The following CTNNA2 variants were observed in gnomAD, a reference collection of about 807,000 sequenced individuals.
The protein encoded by CTNNA2 is catenin alpha-2.
In CTNNA2, 42 loss-of-function variants were observed where a neutral mutation model predicts 101.0. The ratio of observed to expected loss-of-function variants is 0.42; its 90% CI spans 0.32 to 0.54. The LOEUF (loss-of-function observed/expected upper bound fraction) is 0.54, where lower values mean the gene tolerates loss of function less well. Ranked by LOEUF, CTNNA2 falls within the 20% of genes least tolerant of loss-of-function variation. The pLI, the probability that CTNNA2 is intolerant of heterozygous loss-of-function variation, is 0.14. For missense variants in CTNNA2, 871 were observed against 1,223.1 expected (o/e 0.71, Z 4.29); for synonymous variants, 450 against 456.4 (o/e 0.99, Z 0.18).
intron 7 of CTNNA2, among the ~76,000 whole-genome samples, chr2:80,386,650 A>T (rs904320900): frequency 1.3e-5 from 2 of 152,178 alleles, no homozygotes; most frequent in Non-Finnish European, 2.9e-5. Flanking sequence ...ATGGCATATT[A>T]TTGCTTTCTG....
chr2:80,273,042 T>C (rs1024429965), intron 7 of CTNNA2, among the ~76,000 whole-genome samples: 1 of 152,164 alleles, frequency 6.6e-6, no homozygotes, highest in Non-Finnish European at 1.5e-5. Context: ...TGTACCTAAA[T>C]TTAGAACATA....
At chr2:80,365,650 C>T (rs1992633) in intron 7 of CTNNA2, among the ~76,000 whole-genome samples, 18,721 of 150,926 alleles carry the variant, frequency 0.12, 2,394 homozygotes, top group African/African-American at 0.33. Flanking sequence ...GGCCTGTAGA[C>T]ACTTTTAAAA....
intron 2 of CTNNA2, among the ~76,000 whole-genome samples, chr2:79,724,303 C>G (rs1465914818): frequency 2.6e-5 from 4 of 151,740 alleles, no homozygotes; most frequent in African/African-American, 9.7e-5. Context: ...AAAGAAACTG[C>G]AAGAAGTTCC....
intron 7 of CTNNA2, among the ~76,000 whole-genome samples, chr2:80,141,544 C>G (rs980594859): frequency 3.3e-5 from 5 of 152,046 alleles, no homozygotes; most frequent in African/African-American, 9.7e-5. Context: ...CCGGCCTCAT[C>G]TTACAGAAAG....
intron 7 of CTNNA2, among the ~76,000 whole-genome samples, chr2:80,140,059 T>C (rs1279096838): frequency 6.6e-6 from 1 of 152,152 alleles, no homozygotes; most frequent in Non-Finnish European, 1.5e-5. Context: ...ATTTCCTTTA[T>C]TCAAGTGAAA....
rs564948443 is a variant in CTNNA2, at chr2:80,610,184, C to G, written c.2430+1866C>G. Among the ~76,000 whole-genome samples, 3 of 151,758 alleles carry G rather than the reference C, an allele frequency of 2.0e-5. No homozygotes were observed. In the South Asian group the frequency reaches 6.2e-4, roughly 32 times the overall value. On this transcript the variant is annotated intron_variant, in intron 17 of 18. Transcript: ENST00000402739. Reference sequence around the variant, plus strand: ...TGGCTTCCTCATGATTTATTCCAAGCTTGATTGCTGTTTGGTGCCACACCT... The same window carrying G: ...TGGCTTCCTCATGATTTATTCCAAGGTTGATTGCTGTTTGGTGCCACACCT...
At position 80,574,192 on chromosome 2, in the gene CTNNA2, G is replaced by T. The variant is rs376734623; in HGVS notation, c.1771G>T (p.Val591Phe). Residue 591 changes from valine (V) to phenylalanine (F), a missense_variant, in exon 13 of 19, where the codon GTT (valine) becomes TTT (phenylalanine). Physicochemically the swap from Val to Phe is conservative, Grantham distance 50. This residue lies in a region of CTNNA2 where 647 missense variants were observed against 831.5 expected (regional missense o/e 0.78). Transcript: ENST00000402739. ...GCCACGCTTCGCTGAACAAGTAGAGGTTGCCATTGAAGCCCTGAGTGCCAA... is the reference window on the plus strand; with the variant it reads ...GCCACGCTTCGCTGAACAAGTAGAGTTTGCCATTGAAGCCCTGAGTGCCAA... ...VMPRFAEQVE[V>F]AIEALSANVP... The T allele has an allele frequency of 3.1e-6, 5 of 1,613,226 alleles. No individual in the cohort carries two copies. Among genetic ancestry groups the T allele is most frequent in the African/African-American group, 1.3e-5 (1 of 74,888 alleles).
chr2:80,569,633 G>GGTTTTTTTTTT (rs1553392641), intron 12 of CTNNA2, among the ~76,000 whole-genome samples: 1 of 51,718 alleles, frequency 1.9e-5, no homozygotes, highest in Non-Finnish European at 3.9e-5. Flanking sequence ...GGGTATTTAG[G>GGTTTTTTTTTT]TTTTTTTTTT....
chr2:79,599,177 A>G (rs1372431441), intron 1 of CTNNA2, among the ~76,000 whole-genome samples: 1 of 152,092 alleles, frequency 6.6e-6, no homozygotes, highest in Non-Finnish European at 1.5e-5. Context: ...TCCTTTTACT[A>G]ATACCACACT....
intron 1 of CTNNA2, among the ~76,000 whole-genome samples, chr2:79,605,547 C>T (rs1677830789): frequency 6.6e-6 from 1 of 151,338 alleles, no homozygotes; most frequent in South Asian, 2.1e-4. Flanking sequence ...TAGAAGCAGT[C>T]AGAGGGGAAA....
At chr2:80,468,775 T>C (rs949353994) in intron 9 of CTNNA2, among the ~76,000 whole-genome samples, 4 of 152,122 alleles carry the variant, frequency 2.6e-5, no homozygotes, top group African/African-American at 9.7e-5. Context: ...CAATATCACA[T>C]TGAGATGATG....
chr2:80,455,734 AT>A (rs1683921553), intron 9 of CTNNA2, among the ~76,000 whole-genome samples: 1 of 152,174 alleles, frequency 6.6e-6, no homozygotes. Context: ...TTAAAAGGAG[AT>A]TCTAAGAGAA....
At chr2:79,335,844 C>G (rs747549264) in intron 3 of CTNNA2, among the ~76,000 whole-genome samples, 2 of 152,154 alleles carry the variant, frequency 1.3e-5, no homozygotes, top group African/African-American at 2.4e-5. Context: ...AAAGTTCACC[C>G]CAGCCAACTT....
intron 13 of CTNNA2, chr2:80,576,387 T>TTC (rs1695049481): frequency 6.6e-6 from 1 of 150,578 alleles, no homozygotes. Context: ...TTTTTTTTTT[T>TTC]GCTTCTTCCT....
intron 12 of CTNNA2, among the ~76,000 whole-genome samples, chr2:80,564,193 C>T (rs1693851154): frequency 6.6e-6 from 1 of 152,150 alleles, no homozygotes; most frequent in African/African-American, 2.4e-5. Flanking sequence ...CATCTTAATG[C>T]AATCTAAGTA....
intron 4 of CTNNA2, among the ~76,000 whole-genome samples, chr2:79,428,163 A>C (rs1678612488): frequency 6.9e-6 from 1 of 145,156 alleles, no homozygotes; most frequent in Non-Finnish European, 1.5e-5. Context: ...CAGTCTCTTC[A>C]TTTTTTTTTT....
chr2:80,637,494 A>AG (rs1018515776), intron 18 of CTNNA2, among the ~76,000 whole-genome samples: 23 of 152,104 alleles, frequency 1.5e-4, no homozygotes, highest in African/African-American at 5.5e-4. Context: ...TGCACAGGAG[A>AG]GGAAGAAAGA....
chr2:79,679,794 C>T (rs1259159516), intron 2 of CTNNA2, among the ~76,000 whole-genome samples: 1 of 152,120 alleles, frequency 6.6e-6, no homozygotes, highest in East Asian at 1.9e-4. Context: ...TAACTCTCTT[C>T]TTATTCTGGG....
rs151214998 is a variant in CTNNA2, at chr2:80,530,669, A to G, written c.1291-14313A>G. On this transcript the variant is annotated intron_variant, in intron 9 of 18. Transcript: ENST00000402739. ...ATGAGCCTGACCACGTGGGAGGAGG[A>G]TTTGAGAGTATCAGAGATGGTGCTG... is the stretch of plus-strand genomic sequence containing the variant. 2.0e-5 allele frequency among the ~76,000 whole-genome samples: 3 copies of G among 152,278 alleles called. No individual in the cohort carries two copies. In the East Asian group the frequency reaches 5.8e-4, roughly 29 times the overall value.
Sources: gnomAD v4.1 joint callset for allele counts (sites outside exome capture counted in the v4.1 genomes callset) on GRCh38, gnomAD v4.1.1 for gene constraint, gnomAD v4.1.1 regional missense constraint, MANE v1.5 for transcripts, NCBI Gene and HGNC (gene_info 2026-07-23, HGNC 2026-07-21) for gene names.